Variants in UBN2 observed in about 807,000 individuals in gnomAD.
UBN2 encodes the protein ubinuclein 2.
Under a neutral mutation model 120.2 loss-of-function variants are expected in UBN2, and 35 were observed. The ratio of observed to expected loss-of-function variants is 0.29; its 90% CI spans 0.22 to 0.39. The LOEUF (loss-of-function observed/expected upper bound fraction) is 0.39, where lower values mean the gene tolerates loss of function less well. Ranked by LOEUF, UBN2 falls within the 10% of genes least tolerant of loss-of-function variation. The pLI, the probability that UBN2 is intolerant of heterozygous loss-of-function variation, is 1.00. For synonymous variants in UBN2, 661 were observed against 648.7 expected (o/e 1.02, Z -0.29); for missense variants, 1,693 against 1,663.2 (o/e 1.02, Z -0.31).
At chr7:139,325,309 T>C in the UBN2 span, among the ~76,000 whole-genome samples, 1 of 129,764 alleles carries the variant, frequency 7.7e-6, no homozygotes, top group African/African-American at 2.9e-5. Context: ...GCTCTGTCAC[T>C]CAGGCTGGAG....
At chr7:139,289,954 C>T (rs937311441) in intron 15 of UBN2, among the ~76,000 whole-genome samples, 1 of 151,574 alleles carries the variant, frequency 6.6e-6, no homozygotes, top group African/African-American at 2.4e-5. Flanking sequence ...AGTGCAGTGG[C>T]ACAATCTCGG....
intron 17 of UBN2, among the ~76,000 whole-genome samples, chr7:139,295,140 A>T (rs1238771192): frequency 6.9e-6 from 1 of 145,626 alleles, no homozygotes; most frequent in Non-Finnish European, 1.5e-5. Flanking sequence ...GAACCAGTTT[A>T]CCATTAACCA....
intron 2 of UBN2, 126 bp downstream of exon 2, chr7:139,237,223 A>G (rs867896666): frequency 3.9e-6 from 2 of 512,166 alleles, no homozygotes; most frequent in East Asian, 3.3e-5. Context: ...ATGGAAACCA[A>G]ATGAATGGTT....
At chr7:139,286,381 T>C (rs1797788213) in intron 15 of UBN2, among the ~76,000 whole-genome samples, 1 of 152,200 alleles carries the variant, frequency 6.6e-6, no homozygotes, top group South Asian at 2.1e-4. Flanking sequence ...TATCTCTCTG[T>C]CTTCCATATC....
intron 2 of UBN2, among the ~76,000 whole-genome samples, chr7:139,243,852 G>T (rs1296736147): frequency 6.6e-6 from 1 of 152,204 alleles, no homozygotes; most frequent in Non-Finnish European, 1.5e-5. Flanking sequence ...AGTGAGTTAA[G>T]AAAGAGCTAC....
chr7:139,305,204 T>C lies in UBN2; in HGVS notation c.*7368T>C, dbSNP rs935811760. ...ATAGCTTTGAATATTAATGTTGAAT[T>C]CTTCTTTCTTGGTTTCCTTTAGTCT... On this transcript the variant is annotated 3_prime_UTR_variant, in exon 18 of 18. Transcript: ENST00000473989. The C allele has an allele frequency of 6.6e-6, 1 of 152,240 alleles. No individual in the cohort carries two copies. Among genetic ancestry groups the C allele is most frequent in the Admixed American group, 6.5e-5 (1 of 15,290 alleles). The allele number at this position is 152,240 out of a possible 1,614,324, so 9.4% of individuals were successfully genotyped here.
intron 2 of UBN2, among the ~76,000 whole-genome samples, chr7:139,245,611 C>A (rs1295397789): frequency 3.3e-5 from 5 of 152,196 alleles, no homozygotes; most frequent in African/African-American, 1.2e-4. Flanking sequence ...GTGCCCATTA[C>A]AACAGAACCT....
intron 6 of UBN2, among the ~76,000 whole-genome samples, chr7:139,265,171 T>G (rs1585006511): frequency 6.6e-6 from 1 of 152,286 alleles, no homozygotes; most frequent in East Asian, 1.9e-4. Flanking sequence ...TTTTGTTTTT[T>G]CATGTTCTTA....
intron 1 of UBN2, among the ~76,000 whole-genome samples, chr7:139,234,362 C>G (rs1157154529): frequency 6.6e-6 from 1 of 152,058 alleles, no homozygotes; most frequent in Non-Finnish European, 1.5e-5. Flanking sequence ...TAAATCAGTT[C>G]CCTTCTTAAA....
At chr7:139,245,370 G>C (rs559085765) in intron 2 of UBN2, among the ~76,000 whole-genome samples, 1 of 152,008 alleles carries the variant, frequency 6.6e-6, no homozygotes, top group East Asian at 1.9e-4. Context: ...GAAGCATTTT[G>C]GTCAGATTAA....
Position 139,259,461 on chromosome 7 carries a change from C to G in UBN2, c.905+91C>G, listed in dbSNP as rs1041654389. 3 of 1,508,966 alleles carry G rather than the reference C, an allele frequency of 2.0e-6. No homozygotes were observed. In the African/African-American group the frequency reaches 4.2e-5, roughly 21 times the overall value. 93.5% of individuals were successfully genotyped at this position (1,508,966 alleles called of 1,614,324 possible). On this transcript the variant is annotated intron_variant, in intron 5 of 17. Coordinates refer to ENST00000473989, the MANE Select transcript of UBN2 (RefSeq NM_173569.4). ...ATATACTTACCATTAACTAATTCAA[C>G]CTAGCTGAGTCTAATTTAGTACGTT... is the stretch of plus-strand genomic sequence containing the variant.
At chr7:139,293,770 T>G in intron 16 of UBN2, 119 bp from the exon 17 acceptor site, 2 of 910,636 alleles carry the variant, frequency 2.2e-6, no homozygotes, top group Non-Finnish European at 3.5e-6. Flanking sequence ...GTGCTCTAGT[T>G]TTAGAAGGCC....
intron 13 of UBN2, among the ~76,000 whole-genome samples, chr7:139,280,277 G>A (rs1218630855): frequency 6.6e-6 from 1 of 151,914 alleles, no homozygotes; most frequent in African/African-American, 2.4e-5. Flanking sequence ...GTGCACTTAT[G>A]GAATTTAGTA....
At position 139,261,570 on chromosome 7, in the gene UBN2, C is replaced by G; in HGVS notation, c.1224C>G (p.Phe408Leu). ...NALEMLDDFD[F>L]DRLLDAASDG... ...TAGAGATGCTAGATGATTTTGACTT[C>G]GACAGATTACTGGATGCTGCTTCTG... Residue 408 changes from phenylalanine to leucine, a missense_variant, in exon 6 of 18, where the codon TTC becomes TTG. Physicochemically the swap from Phe to Leu is conservative, Grantham distance 22. This residue lies in a region of UBN2 where 663 missense variants were observed against 591.2 expected (regional missense o/e 1.12). Coordinates refer to ENST00000473989, the MANE Select transcript of UBN2 (RefSeq NM_173569.4). The G allele has an allele frequency of 1.2e-6, 2 of 1,614,132 alleles. No individual in the cohort carries two copies. Among genetic ancestry groups the G allele is most frequent in the Non-Finnish European group, 1.7e-6 (2 of 1,180,020 alleles).
At chr7:139,324,103 A>AC in the UBN2 span, among the ~76,000 whole-genome samples, 1 of 151,928 alleles carries the variant, frequency 6.6e-6, no homozygotes, top group African/African-American at 2.4e-5. Flanking sequence ...GCATTTAAAT[A>AC]CCCTGCACTC....
At chr7:139,262,185 T>C (rs1461478585) in intron 6 of UBN2, among the ~76,000 whole-genome samples, 1 of 152,112 alleles carries the variant, frequency 6.6e-6, no homozygotes, top group Non-Finnish European at 1.5e-5. Context: ...CTGCAACTTC[T>C]GCCTATTAGG....
the UBN2 span, among the ~76,000 whole-genome samples, chr7:139,321,094 C>T: frequency 4.3e-4 from 66 of 152,154 alleles, 1 homozygote; most frequent in Non-Finnish European, 8.2e-4. Context: ...GTGTCAGTTT[C>T]ACCAGAGGCC....
At chr7:139,281,542 C>G (rs924479275) in intron 13 of UBN2, among the ~76,000 whole-genome samples, 1 of 152,120 alleles carries the variant, frequency 6.6e-6, no homozygotes, top group Non-Finnish European at 1.5e-5. Flanking sequence ...ATCCAATCAG[C>G]TATCTATTTA....
rs1216099832 is a variant in UBN2, at chr7:139,303,180, A to G, written c.*5344A>G. ...ATATAATCTATAGCATTCTTGAGAG[A>G]TTTTCCATTTGCTTTTTATTTGCTA... On this transcript the variant is annotated 3_prime_UTR_variant, in exon 18 of 18. Transcript: ENST00000473989. 6.6e-6 allele frequency: 1 copy of G among 152,062 alleles called. No homozygotes were observed. The highest frequency in any genetic ancestry group is 2.4e-5 in the African/African-American group (1 of 41,382). The allele number at this position is 152,062 out of a possible 1,614,324, so 9.4% of individuals were successfully genotyped here. A position where few individuals can be genotyped will look rare whatever the true frequency, so the allele number is the denominator to read the frequency against.
Sources: gnomAD v4.1 joint callset for allele counts (sites outside exome capture counted in the v4.1 genomes callset) on GRCh38, gnomAD v4.1.1 for gene constraint, gnomAD v4.1.1 regional missense constraint, MANE v1.5 for transcripts, NCBI Gene and HGNC (gene_info 2026-07-23, HGNC 2026-07-21) for gene names.